CDH2: variants seen among roughly 807,000 people sequenced by gnomAD.
CDH2 encodes the protein cadherin-2.
In CDH2, 17 loss-of-function variants were observed where a neutral mutation model predicts 92.0. The observed-to-expected ratio is 0.18, with a 90% CI of 0.13 to 0.28. The LOEUF (loss-of-function observed/expected upper bound fraction) is 0.28, where lower values mean the gene tolerates loss of function less well. Among genes scored for constraint, CDH2 ranks in the 10% least tolerant of loss-of-function variants. The pLI, the probability that CDH2 is intolerant of heterozygous loss-of-function variation, is 1.00. For synonymous variants in CDH2, 419 were observed against 415.9 expected (o/e 1.01, Z -0.09); for missense variants, 862 against 1,133.1 (o/e 0.76, Z 3.44).
intron 2 of CDH2, among the ~76,000 whole-genome samples, chr18:28,102,398 C>CTA (rs2015241704): frequency 6.6e-6 from 1 of 152,008 alleles, no homozygotes; most frequent in African/African-American, 2.4e-5. Context: ...TTGAAATGTT[C>CTA]TGGTGTTTTT....
chr18:28,047,367 A>G (rs2014097290), intron 2 of CDH2, among the ~76,000 whole-genome samples: 1 of 152,196 alleles, frequency 6.6e-6, no homozygotes, highest in Admixed American at 6.5e-5. Flanking sequence ...GACAGAGGTT[A>G]TGTTTCGCCT....
chr18:28,049,556 T>C (rs1326205231), intron 2 of CDH2, among the ~76,000 whole-genome samples: 1 of 152,146 alleles, frequency 6.6e-6, no homozygotes, highest in Non-Finnish European at 1.5e-5. Context: ...GAAGCAACAA[T>C]GTGCTTTATA....
At chr18:27,999,148 AC>A (rs1303256763) in intron 7 of CDH2, among the ~76,000 whole-genome samples, 1 of 152,198 alleles carries the variant, frequency 6.6e-6, no homozygotes, top group Admixed American at 6.5e-5. Flanking sequence ...GGCAGAGGAA[AC>A]GGGAACAGAA....
chr18:27,992,988 G>A, intron 8 of CDH2, 148 bp from the exon 9 acceptor site: 1 of 529,366 alleles, frequency 1.9e-6, no homozygotes, highest in East Asian at 3.0e-5. Flanking sequence ...GGTAATCACA[G>A]CATTTATGTC....
rs765299573 is a variant in CDH2, at chr18:27,997,932, G to A, written c.1021-4295C>T. Among the ~76,000 whole-genome samples, 7 of 151,946 alleles carry A rather than the reference G, an allele frequency of 4.6e-5. No individual in the cohort carries two copies. In the East Asian group the frequency reaches 1.2e-3, roughly 25 times the overall value. On this transcript the variant is annotated intron_variant, in intron 7 of 15. Transcript: ENST00000269141. Reference sequence around the variant, plus strand: ...CGCCATTCTCCTGCCTCAGCCTCCCGAGTAGCTGGGACTACAGGCGCCCGC... The same window carrying A: ...CGCCATTCTCCTGCCTCAGCCTCCCAAGTAGCTGGGACTACAGGCGCCCGC...
intron 2 of CDH2, among the ~76,000 whole-genome samples, chr18:28,110,744 A>G (rs1252030711): frequency 6.6e-6 from 1 of 152,232 alleles, no homozygotes; most frequent in Admixed American, 6.5e-5. Flanking sequence ...TACTGCAACA[A>G]GAATTCAAAT....
intron 2 of CDH2, among the ~76,000 whole-genome samples, chr18:28,033,225 C>T (rs981403634): frequency 6.6e-6 from 1 of 152,084 alleles, no homozygotes; most frequent in African/African-American, 2.4e-5. Flanking sequence ...ATCAGCACAG[C>T]AGTTCTTCCC....
rs753614802 is a variant in CDH2, at chr18:28,007,156, T to TAAAAAAAAAA, written c.703-1173_703-1164dup. On this transcript the variant is annotated intron_variant, in intron 5 of 15. Coordinates refer to ENST00000269141, the MANE Select transcript of CDH2 (RefSeq NM_001792.5). ...GCCTGGGCAACAGAGTGAGACTCCA[T>TAAAAAAAAAA]AAAAAAAAAATATATATATATATAT... Among the ~76,000 whole-genome samples the TAAAAAAAAAA allele has an allele frequency of 3.0e-3, 323 of 106,540 alleles. 4 individuals carry two copies. Among genetic ancestry groups the TAAAAAAAAAA allele is most frequent in the Non-Finnish European group, 3.7e-3 (209 of 55,880 alleles). The allele number at this position is 106,540 out of a possible 152,430, so 69.9% of individuals were successfully genotyped here.
intron 11 of CDH2, among the ~76,000 whole-genome samples, chr18:27,986,169 A>G (rs2012227081): frequency 6.6e-6 from 1 of 152,180 alleles, no homozygotes; most frequent in African/African-American, 2.4e-5. Flanking sequence ...CATATGCATG[A>G]AAGAACATAA....
intron 2 of CDH2, among the ~76,000 whole-genome samples, chr18:28,017,229 ATCTG>A (rs1384053024): frequency 2.0e-5 from 3 of 152,028 alleles, no homozygotes; most frequent in Non-Finnish European, 4.4e-5. Flanking sequence ...TCAACTGTGA[ATCTG>A]TCTGGTCCTT....
At chr18:28,088,237 G>A (rs2014972137) in intron 2 of CDH2, among the ~76,000 whole-genome samples, 1 of 152,040 alleles carries the variant, frequency 6.6e-6, no homozygotes, top group Non-Finnish European at 1.5e-5. Context: ...ACTTTTCTTG[G>A]GGAAGGAATA....
intron 2 of CDH2, among the ~76,000 whole-genome samples, chr18:28,118,102 GTT>G (rs35084872): frequency 1.4e-5 from 2 of 146,884 alleles, no homozygotes; most frequent in Non-Finnish European, 3.0e-5. Flanking sequence ...GCTGAGTTCT[GTT>G]TTTTTTTTTA....
In CDH2 at chr18:27,990,169, CCTT is replaced by C. The variant is rs768070215; in HGVS notation, c.1523_1525del (p.Glu508del). 2.5e-6 allele frequency: 4 copies of C among 1,613,960 alleles called. No homozygotes were observed. Among genetic ancestry groups the C allele is most frequent in the Non-Finnish European group, 3.4e-6 (4 of 1,179,906 alleles). On this transcript the variant is annotated inframe_deletion, in exon 10 of 16. Transcript: ENST00000269141. Reference sequence around the variant, plus strand: ...TGTCAACATGGTACCGGCATGAAGCCCTTCTTCTTGGCGAATGATCTTAGGATT... The same window carrying C: ...TGTCAACATGGTACCGGCATGAAGCCCTTCTTGGCGAATGATCTTAGGATT...
intron 1 of CDH2, among the ~76,000 whole-genome samples, chr18:28,151,552 G>C (rs896619142): frequency 6.6e-6 from 1 of 152,012 alleles, no homozygotes; most frequent in Non-Finnish European, 1.5e-5. Context: ...CACTGCTATC[G>C]GTATGAGGAT....
intron 7 of CDH2, among the ~76,000 whole-genome samples, chr18:27,997,387 G>T (rs1009291978): frequency 6.6e-6 from 1 of 152,200 alleles, no homozygotes; most frequent in Admixed American, 6.5e-5. Context: ...AGTGATGGAG[G>T]CAGAGAGTAA....
chr18:28,121,433 C>T (rs1377909875), intron 2 of CDH2, among the ~76,000 whole-genome samples: 1 of 151,982 alleles, frequency 6.6e-6, no homozygotes, highest in East Asian at 1.9e-4. Context: ...TTGTCTTTAG[C>T]TTGTGTGGTA....
intron 2 of CDH2, among the ~76,000 whole-genome samples, chr18:28,106,473 G>GT (rs34443556): frequency 0.8 from 117,737 of 146,742 alleles, 47,321 homozygotes; most frequent in Middle Eastern, 0.83. Context: ...ACTTACCAGA[G>GT]TTTTTTTTTT....
chr18:27,978,582 T>C (rs1406171367), intron 14 of CDH2, among the ~76,000 whole-genome samples: 3 of 146,998 alleles, frequency 2.0e-5, no homozygotes, highest in Admixed American at 6.8e-5. Context: ...GGTAAAACAA[T>C]ATAGCTTCAA....
In CDH2 at chr18:27,955,022, A is replaced by G. The variant is rs138237293; in HGVS notation, c.2515-2663T>C. On this transcript the variant is annotated intron_variant, in intron 15 of 15. Coordinates refer to ENST00000269141, the MANE Select transcript of CDH2 (RefSeq NM_001792.5). The stretch of plus-strand genomic sequence containing the variant: ...ACAAGAAAAATCAGGGAAATTCCTG[A>G]TAAGGAGAATGGGTCCCTGAAAACA... Among the ~76,000 whole-genome samples the G allele has an allele frequency of 4.0e-3, 603 of 152,330 alleles. 1 individual carries two copies. Among genetic ancestry groups the G allele is most frequent in the Non-Finnish European group, 6.7e-3 (456 of 68,030 alleles).
Sources: allele counts gnomAD v4.1 joint callset (sites outside exome capture counted in the v4.1 genomes callset), GRCh38; gene constraint gnomAD v4.1.1; transcripts MANE v1.5; gene names NCBI Gene and HGNC (gene_info 2026-07-23, HGNC 2026-07-21).